The following FRMD4B variants were observed in gnomAD, a reference collection of about 807,000 sequenced individuals.
FRMD4B encodes FERM domain-containing protein 4B.
A neutral mutation model predicts 141.5 loss-of-function variants in FRMD4B; 74 were observed. The ratio of observed to expected loss-of-function variants is 0.52; its 90% CI spans 0.43 to 0.63. The LOEUF is 0.63. FRMD4B is among the 30% of genes least tolerant of loss of function. FRMD4B has a pLI of 0.00. For synonymous variants in FRMD4B, 506 were observed against 467.9 expected, an observed-to-expected ratio of 1.08 and a Z score of -1.05; for missense variants, 1,366 against 1,253.4, an observed-to-expected ratio of 1.09 and a Z score of -1.36.
Position 69,311,345 on chromosome 3 carries a change from C to G in FRMD4B, c.241G>C (p.Ala81Pro), listed in dbSNP as rs1701580856. The stretch of plus-strand genomic sequence containing the variant: ...GCCACTAGGTCCAGCAACTCTCTTG[C>G]TAGAAGTTTGGGCTGTCAAAATAAA... ...LELLVQPKLL[A>P]RELLDLVASH... is the part of the protein sequence containing the mutation. The change falls in exon 3 of 23, where the codon GCA becomes CCA. Residue 81 changes from alanine to proline, a missense_variant. Transcript: ENST00000398540. The G allele has an allele frequency of 6.3e-7, 1 of 1,595,928 alleles. No homozygotes were observed. Among genetic ancestry groups the G allele is most frequent in the Admixed American group, 1.7e-5 (1 of 59,678 alleles).
intron 5 of FRMD4B, among the ~76,000 whole-genome samples, chr3:69,273,046 T>C (rs2093602855): frequency 2.0e-5 from 3 of 152,208 alleles, no homozygotes; most frequent in Admixed American, 6.5e-5. Flanking sequence ...TTCCATTCTT[T>C]CTTTGGTGCT....
chr3:69,228,730 TG>T (rs1176039700), intron 7 of FRMD4B: 1 of 293,678 alleles, frequency 3.4e-6, no homozygotes, highest in Non-Finnish European at 6.8e-6. Flanking sequence ...TTCAGCTACT[TG>T]GGAGGCTGAA....
chr3:69,253,822 T>TCA (rs372958946), intron 5 of FRMD4B, among the ~76,000 whole-genome samples: 3 of 152,200 alleles, frequency 2.0e-5, no homozygotes, highest in African/African-American at 4.8e-5. Flanking sequence ...GCTCAGGGGC[T>TCA]CACACCCATA....
intron 1 of FRMD4B, among the ~76,000 whole-genome samples, chr3:69,540,557 T>G (rs1701158290): frequency 7.3e-6 from 1 of 136,922 alleles, no homozygotes. Flanking sequence ...GAGGTTGCAG[T>G]GAGCCGAGAT....
At chr3:69,506,980 T>C (rs1706606584) in intron 1 of FRMD4B, among the ~76,000 whole-genome samples, 1 of 152,110 alleles carries the variant, frequency 6.6e-6, no homozygotes, top group African/African-American at 2.4e-5. Context: ...ATTGGGTGGG[T>C]CATATGATCA....
chr3:69,444,624 C>A (rs752663843), intron 1 of FRMD4B, among the ~76,000 whole-genome samples: 19 of 152,168 alleles, frequency 1.2e-4, no homozygotes, highest in Non-Finnish European at 2.2e-4. Context: ...CTAGGAGGAA[C>A]TTATATCATG....
At chr3:69,434,193 A>G (rs1413941319) in intron 1 of FRMD4B, among the ~76,000 whole-genome samples, 4 of 152,228 alleles carry the variant, frequency 2.6e-5, no homozygotes, top group Non-Finnish European at 5.9e-5. Flanking sequence ...AACAAAGACT[A>G]CACAGCTGCT....
Position 69,302,357 on chromosome 3 carries a change from C to T in FRMD4B, c.402G>A (p.Leu134=). Residue 134 remains leucine, a synonymous_variant, in exon 4 of 23, where the codon TTG becomes TTA. Coordinates refer to ENST00000398540, the MANE Select transcript of FRMD4B (RefSeq NM_015123.3). ...TGGATACATACCTCACAGCAAAGTG[C>T]AAAATGGTTGGGCCTGGTTTCTTGG... ...DLPKKPGPTI[L]HFAVRFYIES... is the part of the protein sequence containing the mutation. 6.3e-7 allele frequency: 1 copy of T among 1,599,570 alleles called. No individual in the cohort carries two copies. Among genetic ancestry groups the T allele is most frequent in the Non-Finnish European group, 8.6e-7 (1 of 1,168,458 alleles).
At chr3:69,180,246 CAAAAAAAAA>C (rs71115658) in intron 21 of FRMD4B, among the ~76,000 whole-genome samples, 41 of 101,010 alleles carry the variant, frequency 4.1e-4, no homozygotes, top group Non-Finnish European at 5.1e-4. Flanking sequence ...CTTGTTTCTA[CAAAAAAAAA>C]AAAAAAAAAA....
At chr3:69,497,848 G>A (rs1048084289) in intron 1 of FRMD4B, among the ~76,000 whole-genome samples, 6 of 152,096 alleles carry the variant, frequency 3.9e-5, no homozygotes, top group African/African-American at 1.4e-4. Flanking sequence ...AGCCTCCTGA[G>A]TATCTGGGAC....
At chr3:69,529,154 A>G (rs1018595887) in intron 1 of FRMD4B, among the ~76,000 whole-genome samples, 2 of 152,190 alleles carry the variant, frequency 1.3e-5, no homozygotes, top group African/African-American at 4.8e-5. Flanking sequence ...CACAGAACCC[A>G]TGAGCCACCA....
chr3:69,267,565 A>T (rs2093568454), intron 5 of FRMD4B, among the ~76,000 whole-genome samples: 1 of 128,412 alleles, frequency 7.8e-6, no homozygotes, highest in Non-Finnish European at 1.6e-5. Context: ...AATATTTAGT[A>T]CATATATATA....
In FRMD4B at chr3:69,348,034, G is replaced by A. The variant is rs139908667; in HGVS notation, c.163-34517C>T. Among the ~76,000 whole-genome samples the A allele has an allele frequency of 9.1e-3, 1,385 of 152,202 alleles. 24 individuals are homozygous for A. Among genetic ancestry groups the A allele is most frequent in the African/African-American group, 0.031 (1,300 of 41,522 alleles). ...ACTAAAAACCCTTCAAAAAATCAAT[G>A]AATCCAGGAGCTGGTTTTTTGAAAA... is the stretch of plus-strand genomic sequence containing the variant. On this transcript the variant is annotated intron_variant, in intron 1 of 22. Coordinates refer to ENST00000398540, the MANE Select transcript of FRMD4B (RefSeq NM_015123.3).
At chr3:69,252,141 C>T (rs906438001) in intron 5 of FRMD4B, among the ~76,000 whole-genome samples, 2 of 152,164 alleles carry the variant, frequency 1.3e-5, no homozygotes, top group African/African-American at 4.8e-5. Context: ...ATTTCAGACA[C>T]CAACTTTTCA....
At chr3:69,302,208 G>A in intron 4 of FRMD4B, 135 bp downstream of exon 4, 1 of 638,724 alleles carries the variant, frequency 1.6e-6, no homozygotes. Flanking sequence ...ACATGATAAT[G>A]TTTTGATAGG....
At chr3:69,420,062 G>T (rs1704944324) in intron 2 of FRMD4B, among the ~76,000 whole-genome samples, 2 of 152,100 alleles carry the variant, frequency 1.3e-5, no homozygotes, top group Admixed American at 6.5e-5. Context: ...TCACCATGTT[G>T]GCCAGGCTGC....
intron 5 of FRMD4B, among the ~76,000 whole-genome samples, chr3:69,273,679 A>G (rs1407408260): frequency 6.6e-6 from 1 of 152,206 alleles, no homozygotes; most frequent in Non-Finnish European, 1.5e-5. Context: ...AGTGTAAACT[A>G]CATTTATTTT....
chr3:69,237,646 T>G (rs1384875351), intron 7 of FRMD4B, among the ~76,000 whole-genome samples: 2 of 152,158 alleles, frequency 1.3e-5, no homozygotes, highest in East Asian at 3.8e-4. Flanking sequence ...GAGCATGCAT[T>G]TCTACACCAT....
At chr3:69,368,699 ACTCT>A (rs553811629) in intron 1 of FRMD4B, among the ~76,000 whole-genome samples, 269 of 152,132 alleles carry the variant, frequency 1.8e-3, no homozygotes, top group Non-Finnish European at 3.0e-3. Context: ...TCAGCACATA[ACTCT>A]CTGGAGTGCA....
Sources: gnomAD v4.1 joint callset for allele counts (sites outside exome capture counted in the v4.1 genomes callset) on GRCh38, gnomAD v4.1.1 for gene constraint, MANE v1.5 for transcripts, NCBI Gene and HGNC (gene_info 2026-07-23, HGNC 2026-07-21) for gene names.